The following TMEM272 variants were observed in gnomAD, a reference collection of about 807,000 sequenced individuals.
The protein encoded by TMEM272 is transmembrane protein 272, also known as long intergenic non-protein coding RNA 282.
In TMEM272, 8 loss-of-function variants were observed where a neutral mutation model predicts 3.7. The observed-to-expected ratio is 2.17, with a 90% CI of 1.27 to 3.91. The LOEUF (loss-of-function observed/expected upper bound fraction) is 3.91. Ranked by LOEUF, TMEM272 falls within the 30% of genes most tolerant of loss-of-function variation. The pLI, the probability that TMEM272 is intolerant of heterozygous loss-of-function variation, is 0.00. For missense variants in TMEM272, 166 were observed against 91.5 expected (o/e 1.81, Z -3.32); for synonymous variants, 63 against 39.8 (o/e 1.58, Z -2.20).
At chr13:51,897,926 CA>C in the TMEM272 span, among the ~76,000 whole-genome samples, 6 of 98,418 alleles carry the variant, frequency 6.1e-5, no homozygotes, top group Admixed American at 2.5e-4. Flanking sequence ...GACTCCATCT[CA>C]AAAAAAAAAA....
At chr13:51,871,349 C>T in the TMEM272 span, among the ~76,000 whole-genome samples, 1 of 152,168 alleles carries the variant, frequency 6.6e-6, no homozygotes, top group East Asian at 1.9e-4. Flanking sequence ...CGCCACCACA[C>T]CCAGCTAATT....
chr13:51,816,494 T>C lies in TMEM272; in HGVS notation c.*257A>G, dbSNP rs537924840. 176 of 403,800 alleles carry C rather than the reference T, an allele frequency of 4.4e-4. 1 individual carries two copies. The South Asian group carries it at 7.4e-3, about 17-fold the overall frequency. 25.0% of individuals were successfully genotyped at this position (403,800 alleles called of 1,614,324 possible). A position where few individuals can be genotyped will look rare whatever the true frequency, so the allele number is the denominator to read the frequency against. On this transcript the variant is annotated 3_prime_UTR_variant, in exon 5 of 5. Coordinates refer to ENST00000629372, the MANE Select transcript of TMEM272 (RefSeq NM_001351003.2). ...AAAACAATTATCCCTTTGAAAACTC[T>C]TGTGAGAACAAAATTCCCACTCTGA...
chr13:51,908,416 C>T, the TMEM272 span: 2 of 1,485,110 alleles, frequency 1.3e-6, no homozygotes, highest in South Asian at 1.1e-5. Flanking sequence ...CCTGGGACAT[C>T]CCTTGGTGGA....
chr13:51,824,169 C>T (rs1003176787), intron 3 of TMEM272, among the ~76,000 whole-genome samples: 10 of 152,162 alleles, frequency 6.6e-5, no homozygotes, highest in African/African-American at 2.4e-4. Context: ...TGGCTTAAAA[C>T]GATCCTAATA....
chr13:51,933,719 C>T, the TMEM272 span: 7 of 152,374 alleles, frequency 4.6e-5, no homozygotes, highest in East Asian at 1.9e-4. Flanking sequence ...CAAGGCCAGG[C>T]GCTAGTCACA....
At chr13:51,832,469 G>A (rs1345101351) in intron 2 of TMEM272, among the ~76,000 whole-genome samples, 2 of 152,082 alleles carry the variant, frequency 1.3e-5, no homozygotes, top group Admixed American at 6.5e-5. Flanking sequence ...ACCATCCTTC[G>A]GGGCTCCACT....
intron 2 of TMEM272, among the ~76,000 whole-genome samples, chr13:51,832,221 T>A (rs559572655): frequency 6.6e-6 from 1 of 152,168 alleles, no homozygotes; most frequent in African/African-American, 2.4e-5. Flanking sequence ...GGGAGCAGCA[T>A]GGTAGCAGGT....
the TMEM272 span, among the ~76,000 whole-genome samples, chr13:51,912,834 A>C: frequency 3.3e-5 from 5 of 152,244 alleles, no homozygotes; most frequent in African/African-American, 1.2e-4. Context: ...TGGATGAATG[A>C]ATACATACAC....
chr13:51,889,790 C>T, the TMEM272 span, among the ~76,000 whole-genome samples: 4 of 152,018 alleles, frequency 2.6e-5, no homozygotes, highest in African/African-American at 4.8e-5. Context: ...TACAGGCATG[C>T]GCCACCACGC....
chr13:51,854,441 C>A, the TMEM272 span, among the ~76,000 whole-genome samples: 25 of 152,208 alleles, frequency 1.6e-4, no homozygotes, highest in Admixed American at 1.1e-3. Flanking sequence ...TGCCATGCAA[C>A]CATTTGATCA....
At chr13:51,890,585 C>T in the TMEM272 span, among the ~76,000 whole-genome samples, 2 of 152,176 alleles carry the variant, frequency 1.3e-5, no homozygotes, top group Admixed American at 1.3e-4. Context: ...AACTACTCAG[C>T]CTCAGGTATT....
chr13:51,873,763 C>T, the TMEM272 span, among the ~76,000 whole-genome samples: 8 of 152,278 alleles, frequency 5.3e-5, no homozygotes, highest in East Asian at 1.9e-4. Flanking sequence ...CCTGACCTCG[C>T]GATCCTTCTA....
intron 2 of TMEM272, among the ~76,000 whole-genome samples, chr13:51,834,334 G>A (rs1956197358): frequency 6.6e-6 from 1 of 152,126 alleles, no homozygotes; most frequent in African/African-American, 2.4e-5. Context: ...CAGAGCAGGA[G>A]CACACCCTGC....
chr13:51,890,056 A>T, the TMEM272 span, among the ~76,000 whole-genome samples: 1 of 152,184 alleles, frequency 6.6e-6, no homozygotes, highest in Non-Finnish European at 1.5e-5. Context: ...GGGAGTGCTG[A>T]GCAACACTGG....
At chr13:51,900,002 A>G in the TMEM272 span, among the ~76,000 whole-genome samples, 1 of 152,310 alleles carries the variant, frequency 6.6e-6, no homozygotes, top group African/African-American at 2.4e-5. Context: ...AATTAACTCA[A>G]TATGGGTCAT....
At chr13:51,842,812 C>T (rs1185868630) in intron 1 of TMEM272, among the ~76,000 whole-genome samples, 1 of 152,208 alleles carries the variant, frequency 6.6e-6, no homozygotes, top group Non-Finnish European at 1.5e-5. Flanking sequence ...TACGCTATAT[C>T]AAACTATATT....
At chr13:51,909,796 C>G in the TMEM272 span, 1 of 1,586,926 alleles carries the variant, frequency 6.3e-7, no homozygotes, top group South Asian at 1.1e-5. Flanking sequence ...GCAGCCTGAT[C>G]TTTGATCTTT....
chr13:51,870,249 T>C, the TMEM272 span, among the ~76,000 whole-genome samples: 1 of 151,796 alleles, frequency 6.6e-6, no homozygotes, highest in African/African-American at 2.4e-5. Context: ...TAAAAGTTCT[T>C]TGGTTTTTTT....
chr13:51,868,007 T>G, the TMEM272 span, among the ~76,000 whole-genome samples: 1 of 152,200 alleles, frequency 6.6e-6, no homozygotes, highest in Admixed American at 6.5e-5. Context: ...AATTGCAGAC[T>G]CCTTTTATCT....
Sources: allele counts gnomAD v4.1 joint callset (sites outside exome capture counted in the v4.1 genomes callset), GRCh38; gene constraint gnomAD v4.1.1; transcripts MANE v1.5; gene names NCBI Gene and HGNC (gene_info 2026-07-23, HGNC 2026-07-21).